The following ISG15 variants were observed in gnomAD, a reference collection of about 807,000 sequenced individuals.
The protein encoded by ISG15 is ISG15 ubiquitin like modifier.
Under a neutral mutation model 2.4 loss-of-function variants are expected in ISG15, and 2 were observed. That is an observed-to-expected ratio of 0.82 (90% CI 0.33 to 2.57). The LOEUF (loss-of-function observed/expected upper bound fraction) is 2.57, where lower values mean the gene tolerates loss of function less well. Ranked by LOEUF, ISG15 falls within the 30% of genes most tolerant of loss-of-function variation. ISG15 has a pLI of 0.11. For missense variants in ISG15, 224 were observed against 228.4 expected (o/e 0.98, Z 0.13); for synonymous variants, 116 against 108.1 (o/e 1.07, Z -0.45).
intron 1 of ISG15, 67 bp downstream of exon 1, chr1:1,013,643 A>G: frequency 6.4e-7 from 1 of 1,558,854 alleles, no homozygotes. Flanking sequence ...TCCCTCCCCC[A>G]GCCAAGGTCT....
chr1:1,013,607 G>A (rs1471936262), intron 1 of ISG15, 31 bp downstream of exon 1: 4 of 1,612,436 alleles, frequency 2.5e-6, no homozygotes, highest in Admixed American at 1.7e-5. Flanking sequence ...GGGGGGAGGT[G>A]GGCTCTGTGC....
chr1:1,014,248 A>G lies in ISG15; in HGVS notation c.268A>G (p.Lys90Glu). Reference protein sequence around the residue: ...EPLSILVRNNKGRSSTYEVRL... With the variant: ...EPLSILVRNNEGRSSTYEVRL... Reference sequence around the variant, plus strand: ...TCTGAGCATCCTGGTGAGGAATAACAAGGGCCGCAGCAGCACCTACGAGGT... The same window carrying G: ...TCTGAGCATCCTGGTGAGGAATAACGAGGGCCGCAGCAGCACCTACGAGGT... Residue 90 changes from lysine (K) to glutamate (E), a missense_variant, in exon 2 of 2, where the codon AAG becomes GAG. By Grantham distance (56) the Lys-to-Glu change is moderately conservative. Transcript: ENST00000649529. 2 of 1,613,590 alleles carry G rather than the reference A, an allele frequency of 1.2e-6. No homozygotes were observed. The highest frequency in any genetic ancestry group is 2.2e-5 in the South Asian group (2 of 91,092).
Position 1,014,316 on chromosome 1 carries a change from C to G in ISG15, c.336C>G (p.Ser112Arg). 1 of 1,613,702 alleles carries G rather than the reference C, an allele frequency of 6.2e-7. No homozygotes were observed. Among genetic ancestry groups the G allele is most frequent in the South Asian group, 1.1e-5 (1 of 91,088 alleles). ...TGGCCCACCTGAAGCAGCAAGTGAG[C>G]GGGCTGGAGGGTGTGCAGGACGACC... ...QTVAHLKQQV[S>R]GLEGVQDDLF... Residue 112 changes from serine to arginine, a missense_variant, in exon 2 of 2, where the codon AGC (serine) becomes AGG (arginine). Ser to Arg is a moderately radical substitution (Grantham distance 110, BLOSUM62 -1). Coordinates refer to ENST00000649529, the MANE Select transcript of ISG15 (RefSeq NM_005101.4).
At chr1:1,013,635 C>T in intron 1 of ISG15, 59 bp downstream of exon 1, 1 of 1,588,692 alleles carries the variant, frequency 6.3e-7, no homozygotes, top group South Asian at 1.1e-5. Context: ...TTTTCGTCTC[C>T]CTCCCCCAGC....
rs543999661 is a variant in ISG15, at chr1:1,014,058, A to G, written c.78A>G (p.Ser26=). The change falls in exon 2 of 2, where the codon TCA becomes TCG. Residue 26 remains serine, a synonymous_variant. Transcript: ENST00000649529. ...QVSLSSSMSV[S]ELKAQITQKI... ...CCCTGAGCAGCTCCATGTCGGTGTC[A>G]GAGCTGAAGGCGCAGATCACCCAGA... 453 of 1,612,922 alleles carry G rather than the reference A, an allele frequency of 2.8e-4. 7 individuals are homozygous for G. In the South Asian group the frequency reaches 4.8e-3, roughly 17 times the overall value.
chr1:1,013,630 G>C (rs1312654571), intron 1 of ISG15, 54 bp downstream of exon 1: 4 of 1,600,744 alleles, frequency 2.5e-6, no homozygotes, highest in Non-Finnish European at 3.4e-6. Flanking sequence ...GCCAATTTTC[G>C]TCTCCCTCCC....
Position 1,014,035 on chromosome 1 carries a change from C to G in ISG15, c.55C>G (p.Leu19Val). ...GGCGGGCAACGAATTCCAGGTGTCC[C>G]TGAGCAGCTCCATGTCGGTGTCAGA... ...MLAGNEFQVS[L>V]SSSMSVSELK... is the part of the protein sequence containing the mutation. The change falls in exon 2 of 2, where the codon CTG becomes GTG. Residue 19 changes from leucine to valine, a missense_variant. Leu to Val is a conservative substitution (Grantham distance 32, BLOSUM62 1). Transcript: ENST00000649529. 6.2e-7 allele frequency: 1 copy of G among 1,610,340 alleles called. No homozygotes were observed. The highest frequency in any genetic ancestry group is 1.1e-5 in the South Asian group (1 of 90,988).
At chr1:1,013,885 A>G in intron 1 of ISG15, 99 bp from the exon 2 acceptor site, 1 of 1,440,264 alleles carries the variant, frequency 6.9e-7, no homozygotes. Flanking sequence ...AGGAGGGAGC[A>G]CTGTCCCTGG....
chr1:1,013,923 C>T, intron 1 of ISG15, 61 bp from the exon 2 acceptor site: 2 of 1,537,202 alleles, frequency 1.3e-6, no homozygotes, highest in Non-Finnish European at 1.8e-6. Flanking sequence ...GCAGCCAGTG[C>T]CTTGTGTGTG....
In ISG15 at chr1:1,014,017, A is replaced by G; in HGVS notation, c.37A>G (p.Asn13Asp). Residue 13 changes from asparagine (N) to aspartate (D), a missense_variant, in exon 2 of 2, where the codon AAC becomes GAC. Transcript: ENST00000649529. ...CCTGACGGTGAAGATGCTGGCGGGC[A>G]ACGAATTCCAGGTGTCCCTGAGCAG... The part of the protein sequence containing the change: ...WDLTVKMLAG[N>D]EFQVSLSSSM... 6.2e-7 allele frequency: 1 copy of G among 1,603,694 alleles called. No individual in the cohort carries two copies. Among genetic ancestry groups the G allele is most frequent in the Non-Finnish European group, 8.5e-7 (1 of 1,171,998 alleles).
At position 1,013,997 on chromosome 1, in the gene ISG15, C is replaced by T. The variant is rs199853706; in HGVS notation, c.17C>T (p.Thr6Met). The T allele has an allele frequency of 3.2e-5, 51 of 1,599,210 alleles. No homozygotes were observed. In the Admixed American group the frequency reaches 4.9e-4, roughly 15 times the overall value. The change falls in exon 2 of 2, where the codon ACG becomes ATG. Residue 6 changes from threonine (T) to methionine (M), a missense_variant. Thr to Met is a moderately conservative substitution (Grantham distance 81, BLOSUM62 -1). Coordinates refer to ENST00000649529, the MANE Select transcript of ISG15 (RefSeq NM_005101.4). Reference sequence around the variant, plus strand: ...TGACGCCTGCAGGGCTGGGACCTGACGGTGAAGATGCTGGCGGGCAACGAA... The same window carrying T: ...TGACGCCTGCAGGGCTGGGACCTGATGGTGAAGATGCTGGCGGGCAACGAA... Reference protein sequence around the residue: MGWDLTVKMLAGNEFQ... With the variant: MGWDLMVKMLAGNEFQ...
Position 1,014,228 on chromosome 1 carries a change from G to A in ISG15, c.248G>A (p.Ser83Asn), listed in dbSNP as rs1921. The change falls in exon 2 of 2, where the codon AGC becomes AAC. Residue 83 changes from serine (S) to asparagine (N), a missense_variant. Coordinates refer to ENST00000649529, the MANE Select transcript of ISG15 (RefSeq NM_005101.4). ...GTGGACAAATGCGACGAACCTCTGA[G>A]CATCCTGGTGAGGAATAACAAGGGC... is the stretch of plus-strand genomic sequence containing the variant. Reference protein sequence around the residue: ...LVVDKCDEPLSILVRNNKGRS... With the variant: ...LVVDKCDEPLNILVRNNKGRS... 0.38 allele frequency: 617,554 copies of A among 1,613,414 alleles called. 120,507 individuals are homozygous for A. The highest frequency in any genetic ancestry group is 0.41 in the African/African-American group (30,468 of 75,014).
Position 1,014,415 on chromosome 1 carries a change from G to A in ISG15, c.435G>A (p.Leu145=). ...LPLGEYGLKP[L]STVFMNLRLR... ...TGGGGGAGTACGGCCTCAAGCCCCT[G>A]AGCACCGTGTTCATGAATCTGCGCC... Residue 145 remains leucine, a synonymous_variant, in exon 2 of 2, where the codon CTG becomes CTA. Transcript: ENST00000649529. 1.2e-6 allele frequency: 2 copies of A among 1,613,040 alleles called. No individual in the cohort carries two copies. Among genetic ancestry groups the A allele is most frequent in the Non-Finnish European group, 1.7e-6 (2 of 1,179,886 alleles).
chr1:1,013,552 C>G lies in ISG15; in HGVS notation c.-22C>G, dbSNP rs1644244052. The G allele has an allele frequency of 3.1e-6, 5 of 1,607,756 alleles. No homozygotes were observed. The highest frequency in any genetic ancestry group is 4.2e-6 in the Non-Finnish European group (5 of 1,176,568). On this transcript the variant is annotated 5_prime_UTR_variant, in exon 1 of 2. Coordinates refer to ENST00000649529, the MANE Select transcript of ISG15 (RefSeq NM_005101.4). ...CCAGTACAGGAGCTTGTGCCGTGGCCCACAGCCCACAGCCCACAGCCATGG... is the reference window on the plus strand; with the variant it reads ...CCAGTACAGGAGCTTGTGCCGTGGCGCACAGCCCACAGCCCACAGCCATGG...
At chr1:1,013,905 C>T in intron 1 of ISG15, 79 bp from the exon 2 acceptor site, 2 of 1,510,500 alleles carry the variant, frequency 1.3e-6, no homozygotes, top group Non-Finnish European at 1.8e-6. Flanking sequence ...GGTACAGGAG[C>T]TCGCCCTGCA....
In ISG15 at chr1:1,014,138, C is replaced by T. The variant is rs146063673; in HGVS notation, c.158C>T (p.Ala53Val). 1.9e-5 allele frequency: 30 copies of T among 1,612,774 alleles called. No homozygotes were observed. Among genetic ancestry groups the T allele is most frequent in the South Asian group, 9.9e-5 (9 of 91,086 alleles). ...CTGGCTGTCCACCCGAGCGGTGTGG[C>T]GCTGCAGGACAGGGTCCCCCTTGCC... Reference protein sequence around the residue: ...QRLAVHPSGVALQDRVPLASQ... With the variant: ...QRLAVHPSGVVLQDRVPLASQ... Residue 53 changes from alanine (A) to valine (V), a missense_variant, in exon 2 of 2, where the codon GCG (alanine) becomes GTG (valine). Transcript: ENST00000649529.
chr1:1,014,385 C>T lies in ISG15; in HGVS notation c.405C>T (p.Leu135=), dbSNP rs142870855. 6.1e-5 allele frequency: 99 copies of T among 1,613,198 alleles called. No individual in the cohort carries two copies. The highest frequency in any genetic ancestry group is 7.5e-5 in the Non-Finnish European group (89 of 1,180,026). ...TFEGKPLEDQ[L]PLGEYGLKPL... Reference sequence around the variant, plus strand: ...AGGGGAAGCCCCTGGAGGACCAGCTCCCGCTGGGGGAGTACGGCCTCAAGC... The same window carrying T: ...AGGGGAAGCCCCTGGAGGACCAGCTTCCGCTGGGGGAGTACGGCCTCAAGC... Residue 135 remains leucine, a synonymous_variant, in exon 2 of 2, where the codon CTC becomes CTT. Coordinates refer to ENST00000649529, the MANE Select transcript of ISG15 (RefSeq NM_005101.4).
Position 1,014,322 on chromosome 1 carries a change from G to A in ISG15, c.342G>A (p.Leu114=). ...VAHLKQQVSG[L]EGVQDDLFWL... is the part of the protein sequence containing the mutation. ...ACCTGAAGCAGCAAGTGAGCGGGCTGGAGGGTGTGCAGGACGACCTGTTCT... is the reference window on the plus strand; with the variant it reads ...ACCTGAAGCAGCAAGTGAGCGGGCTAGAGGGTGTGCAGGACGACCTGTTCT... The change falls in exon 2 of 2, where the codon CTG becomes CTA. Residue 114 remains leucine (L), a synonymous_variant. Coordinates refer to ENST00000649529, the MANE Select transcript of ISG15 (RefSeq NM_005101.4). 1 of 1,613,736 alleles carries A rather than the reference G, an allele frequency of 6.2e-7. No individual in the cohort carries two copies. Among genetic ancestry groups the A allele is most frequent in the East Asian group, 2.2e-5 (1 of 44,884 alleles).
chr1:1,013,500 G>T lies in ISG15; in HGVS notation c.-74G>T. 2.7e-6 allele frequency: 4 copies of T among 1,502,150 alleles called. No individual in the cohort carries two copies. Among genetic ancestry groups the T allele is most frequent in the Non-Finnish European group, 3.7e-6 (4 of 1,078,260 alleles). The allele number at this position is 1,502,150 out of a possible 1,614,324, so 93.1% of individuals were successfully genotyped here. A position where few individuals can be genotyped will look rare whatever the true frequency, so the allele number is the denominator to read the frequency against. On this transcript the variant is annotated 5_prime_UTR_variant, in exon 1 of 2. Transcript: ENST00000649529. ...GCCGGTGCTGCCTGCCGAAGCCGGC[G>T]GCTGAGAGGCAGCGAACTCATCTTT... is the stretch of plus-strand genomic sequence containing the variant.
Sources: allele counts gnomAD v4.1 joint callset, GRCh38; gene constraint gnomAD v4.1.1; transcripts MANE v1.5; gene names NCBI Gene and HGNC (gene_info 2026-07-23, HGNC 2026-07-21).